The following DLG2 variants were observed in gnomAD, a reference collection of about 807,000 sequenced individuals.
DLG2 encodes discs large MAGUK scaffold protein 2, also known as disks large homolog 2.
DLG2 carries 45 observed loss-of-function variants against 132.5 expected under a neutral mutation model. The ratio of observed to expected loss-of-function variants is 0.34; its 90% confidence interval spans 0.27 to 0.44. DLG2 has a LOEUF of 0.44. DLG2 is among the 20% of genes least tolerant of loss of function. The pLI is 1.00. For missense variants in DLG2, 1,045 were observed against 1,196.9 expected (o/e 0.87, Z 1.87); for synonymous variants, 424 against 419.6 (o/e 1.01, Z -0.13).
chr11:84,893,429 A>C (rs549817826), intron 6 of DLG2, among the ~76,000 whole-genome samples: 2 of 152,184 alleles, frequency 1.3e-5, no homozygotes, highest in Non-Finnish European at 2.9e-5. Context: ...AAGTGTCAAT[A>C]GCTCTAAATG....
intron 8 of DLG2, among the ~76,000 whole-genome samples, chr11:84,212,752 C>T (rs1597531933): frequency 6.6e-6 from 1 of 152,184 alleles, no homozygotes; most frequent in East Asian, 1.9e-4. Flanking sequence ...CTCCGCCTCC[C>T]GGTTCAAGCG....
At chr11:85,580,628 T>C (rs2078451515) in intron 3 of DLG2, among the ~76,000 whole-genome samples, 1 of 152,200 alleles carries the variant, frequency 6.6e-6, no homozygotes, top group Non-Finnish European at 1.5e-5. Context: ...ATCCCCAATT[T>C]ACAGAAAGCA....
intron 6 of DLG2, among the ~76,000 whole-genome samples, chr11:84,565,960 G>GT (rs748005006): frequency 0.022 from 3,087 of 139,392 alleles, 34 homozygotes; most frequent in Middle Eastern, 0.026. Flanking sequence ...ATATGATGAA[G>GT]TTTTTTTTTT....
rs77641537 is a variant in DLG2, at chr11:84,931,898, G to A, written c.357+179763C>T. On this transcript the variant is annotated intron_variant, in intron 6 of 27. Coordinates refer to ENST00000376104, the MANE Select transcript of DLG2 (RefSeq NM_001142699.3). ...TGTTGAGCTTCTTTTCATGATTGCTGGCTGCATACATGTCTTCTTTTGAAA... is the reference window on the plus strand; with the variant it reads ...TGTTGAGCTTCTTTTCATGATTGCTAGCTGCATACATGTCTTCTTTTGAAA... 2.2e-4 allele frequency among the ~76,000 whole-genome samples: 34 copies of A among 152,220 alleles called. No individual in the cohort carries two copies. In the East Asian group the frequency reaches 5.8e-3, roughly 26 times the overall value.
intron 6 of DLG2, among the ~76,000 whole-genome samples, chr11:84,985,602 C>A (rs1258539557): frequency 6.6e-6 from 1 of 151,962 alleles, no homozygotes; most frequent in Non-Finnish European, 1.5e-5. Context: ...AACACAAACC[C>A]AGCAGAAGAA....
intron 3 of DLG2, among the ~76,000 whole-genome samples, chr11:85,307,169 A>C (rs910701427): frequency 1.3e-5 from 2 of 152,214 alleles, no homozygotes; most frequent in African/African-American, 4.8e-5. Flanking sequence ...CTCCACAAAC[A>C]TTTGTTAAAT....
At chr11:85,330,758 C>A in intron 3 of DLG2, among the ~76,000 whole-genome samples, 1 of 116,598 alleles carries the variant, frequency 8.6e-6, no homozygotes, top group Non-Finnish European at 1.7e-5. Flanking sequence ...GCACATGTAC[C>A]CTAAAACTTA....
intron 19 of DLG2, among the ~76,000 whole-genome samples, chr11:83,563,757 A>G (rs2142996880): frequency 6.6e-6 from 1 of 152,346 alleles, no homozygotes; most frequent in South Asian, 2.1e-4. Context: ...GATTCATCTA[A>G]TTAAAAATGA....
intron 7 of DLG2, among the ~76,000 whole-genome samples, chr11:84,342,497 A>G (rs189061712): frequency 6.6e-6 from 1 of 152,160 alleles, no homozygotes; most frequent in African/African-American, 2.4e-5. Context: ...GTAAATACCA[A>G]ATAAACTGTC....
chr11:84,449,108 G>A (rs1337947833), intron 7 of DLG2, among the ~76,000 whole-genome samples: 2 of 151,746 alleles, frequency 1.3e-5, no homozygotes, highest in South Asian at 2.1e-4. Context: ...CATTTCTAAA[G>A]GTAAATCACT....
At chr11:83,683,781 A>T (rs1281200567) in intron 18 of DLG2, among the ~76,000 whole-genome samples, 1 of 152,072 alleles carries the variant, frequency 6.6e-6, no homozygotes, top group Non-Finnish European at 1.5e-5. Flanking sequence ...TAAGATGTTA[A>T]TTTTACTGTG....
rs146006977 is a variant in DLG2, at chr11:84,837,561, A to T, written c.357+274100T>A. 2.6e-5 allele frequency among the ~76,000 whole-genome samples: 4 copies of T among 151,920 alleles called. No homozygotes were observed. The South Asian group carries it at 8.3e-4, about 32-fold the overall frequency. On this transcript the variant is annotated intron_variant, in intron 6 of 27. Transcript: ENST00000376104. ...CTTATTTTAGCTCATTTGTAATCAG[A>T]GTCAGACACACAAAAAGAGGCAATG...
intron 7 of DLG2, among the ~76,000 whole-genome samples, chr11:84,266,109 G>A (rs1370566300): frequency 6.6e-6 from 1 of 152,074 alleles, no homozygotes; most frequent in East Asian, 1.9e-4. Context: ...ATTTTAATGA[G>A]TCATCAAAAC....
Position 84,239,267 on chromosome 11 carries a change from A to G in DLG2, c.573+11971T>C, listed in dbSNP as rs150480446. Among the ~76,000 whole-genome samples, 163 of 148,490 alleles carry G rather than the reference A, an allele frequency of 1.1e-3. 1 individual carries two copies. Among genetic ancestry groups the G allele is most frequent in the African/African-American group, 3.4e-3 (136 of 40,240 alleles). ...GTGATCTCGGCTCACTGCAACCTCAACCTTCTGGGTTCAAGTGATTCTCAT... is the reference window on the plus strand; with the variant it reads ...GTGATCTCGGCTCACTGCAACCTCAGCCTTCTGGGTTCAAGTGATTCTCAT... On this transcript the variant is annotated intron_variant, in intron 8 of 27. Coordinates refer to ENST00000376104, the MANE Select transcript of DLG2 (RefSeq NM_001142699.3).
Position 84,184,269 on chromosome 11 carries a change from T to C in DLG2, c.574-20758A>G, listed in dbSNP as rs1266173007. 3.3e-5 allele frequency among the ~76,000 whole-genome samples: 5 copies of C among 151,802 alleles called. No individual in the cohort carries two copies. The East Asian group carries it at 9.7e-4, about 29-fold the overall frequency. ...CCTGACTTTTTAATGATTGCCATTC[T>C]AACTGGTGTGAGATGGTATCTCATT... On this transcript the variant is annotated intron_variant, in intron 8 of 27. Coordinates refer to ENST00000376104, the MANE Select transcript of DLG2 (RefSeq NM_001142699.3).
At position 83,492,379 on chromosome 11, in the gene DLG2, T is replaced by G. The variant is rs140539937; in HGVS notation, c.2194-8151A>C. The stretch of plus-strand genomic sequence containing the variant: ...TGGATCCCTCTTCATCTTTCTGGTC[T>G]TTAAAAATTGGGGGTATTTGGACTC... On this transcript the variant is annotated intron_variant, in intron 21 of 27. Coordinates refer to ENST00000376104, the MANE Select transcript of DLG2 (RefSeq NM_001142699.3). Among the ~76,000 whole-genome samples the G allele has an allele frequency of 1.1e-3, 167 of 152,180 alleles. 1 individual carries two copies. Among genetic ancestry groups the G allele is most frequent in the African/African-American group, 3.9e-3 (162 of 41,550 alleles).
At chr11:84,070,044 T>C (rs189317481) in intron 10 of DLG2, among the ~76,000 whole-genome samples, 9 of 152,326 alleles carry the variant, frequency 5.9e-5, no homozygotes, top group African/African-American at 1.7e-4. Flanking sequence ...CCCCTCTCCA[T>C]TTCATTCAAA....
At chr11:85,312,071 T>C (rs895885874) in intron 3 of DLG2, among the ~76,000 whole-genome samples, 9 of 151,996 alleles carry the variant, frequency 5.9e-5, no homozygotes, top group African/African-American at 2.2e-4. Flanking sequence ...CTAATAATTT[T>C]TCAAAAGTCA....
chr11:84,197,068 A>G (rs1002429303), intron 8 of DLG2, among the ~76,000 whole-genome samples: 12 of 150,530 alleles, frequency 8.0e-5, no homozygotes, highest in Admixed American at 2.0e-4. Flanking sequence ...AAAGAAAAGA[A>G]AAAAAAAACG....
Sources: allele counts gnomAD v4.1 joint callset (sites outside exome capture counted in the v4.1 genomes callset), GRCh38; gene constraint gnomAD v4.1.1; transcripts MANE v1.5; gene names NCBI Gene and HGNC (gene_info 2026-07-23, HGNC 2026-07-21).